ARIH1: variants seen among roughly 807,000 people sequenced by gnomAD.
The protein encoded by ARIH1 is E3 ubiquitin-protein ligase ARIH1.
Under a neutral mutation model 85.0 loss-of-function variants are expected in ARIH1, and 8 were observed. The observed-to-expected ratio is 0.09, with a 90% CI of 0.06 to 0.17. The LOEUF is 0.17. Ranked by LOEUF, ARIH1 falls within the 10% of genes least tolerant of loss-of-function variation. The pLI is 1.00. For synonymous variants in ARIH1, 238 were observed against 253.6 expected, an observed-to-expected ratio of 0.94 and a Z score of 0.59; for missense variants, 311 against 718.1, an observed-to-expected ratio of 0.43 and a Z score of 6.48.
chr15:72,593,121 T>A lies in ARIH1; in HGVS notation c.*9829T>A, dbSNP rs193008638. On this transcript the variant is annotated 3_prime_UTR_variant, in exon 14 of 14. Transcript: ENST00000379887. ...ATTAGCCATTTTAGCATATATGAAA[T>A]AACTGATTTTAATTTACATTACATT... 1 of 152,332 alleles carries A rather than the reference T, an allele frequency of 6.6e-6. No individual in the cohort carries two copies. Among genetic ancestry groups the A allele is most frequent in the African/African-American group, 2.4e-5 (1 of 41,590 alleles). The allele number at this position is 152,332 out of a possible 1,614,324, so 9.4% of individuals were successfully genotyped here.
intron 2 of ARIH1, among the ~76,000 whole-genome samples, chr15:72,530,942 A>G (rs2064053824): frequency 6.6e-6 from 1 of 152,226 alleles, no homozygotes; most frequent in African/African-American, 2.4e-5. Flanking sequence ...AGAATGTGGC[A>G]GAGGCAGTAT....
At position 72,494,031 on chromosome 15, in the gene ARIH1, A is replaced by G. The variant is rs2592057; in HGVS notation, c.375+19017A>G. Among the ~76,000 whole-genome samples, 332 of 152,260 alleles carry G rather than the reference A, an allele frequency of 2.2e-3. 1 individual carries two copies. The highest frequency in any genetic ancestry group is 7.8e-3 in the African/African-American group (326 of 41,562). On this transcript the variant is annotated intron_variant, in intron 1 of 13. Coordinates refer to ENST00000379887, the MANE Select transcript of ARIH1 (RefSeq NM_005744.5). ...ATTGATGTCTTAGTACTTTTCTCAT[A>G]AATGCAGAACCCTTCCCTAACCTGA...
chr15:72,557,308 T>C (rs1468597438), intron 5 of ARIH1, among the ~76,000 whole-genome samples: 2 of 152,066 alleles, frequency 1.3e-5, no homozygotes, highest in East Asian at 3.8e-4. Context: ...CTTTCTTTTT[T>C]TTAAGTGAAA....
intron 1 of ARIH1, 25 bp from the exon 2 acceptor site, chr15:72,518,042 G>C (rs1302215306): frequency 4.5e-6 from 7 of 1,571,930 alleles, no homozygotes; most frequent in Admixed American, 1.7e-5. Context: ...ACCTTAAAAT[G>C]ACTTTTTTTC....
intron 3 of ARIH1, among the ~76,000 whole-genome samples, chr15:72,548,629 C>G (rs1434124759): frequency 6.6e-6 from 1 of 152,162 alleles, no homozygotes; most frequent in South Asian, 2.1e-4. Flanking sequence ...CTAGGATGTC[C>G]TTTCCTCATA....
In ARIH1 at chr15:72,602,569, C is replaced by T. The variant is rs1314120568; in HGVS notation, c.*19277C>T. On this transcript the variant is annotated 3_prime_UTR_variant, in exon 14 of 14. Transcript: ENST00000379887. ...ATCTGCCTCTTCAGTGGTTTCCACA[C>T]CAAAAAATCCACAGGCTCCTGAATT... is the stretch of plus-strand genomic sequence containing the variant. 6.6e-6 allele frequency: 1 copy of T among 152,152 alleles called. No homozygotes were observed. Among genetic ancestry groups the T allele is most frequent in the Non-Finnish European group, 1.5e-5 (1 of 68,032 alleles). The allele number at this position is 152,152 out of a possible 1,614,324, so 9.4% of individuals were successfully genotyped here. A position where few individuals can be genotyped will look rare whatever the true frequency, so the allele number is the denominator to read the frequency against.
At chr15:72,522,833 A>G (rs1375176725) in intron 2 of ARIH1, among the ~76,000 whole-genome samples, 1 of 152,376 alleles carries the variant, frequency 6.6e-6, no homozygotes. Flanking sequence ...AAAATGGGCC[A>G]AAGAGCTTAA....
At chr15:72,555,477 T>G (rs1337056260) in intron 4 of ARIH1, 114 bp downstream of exon 4, 1 of 727,052 alleles carries the variant, frequency 1.4e-6, no homozygotes, top group Non-Finnish European at 2.3e-6. Flanking sequence ...TGATTCTAGA[T>G]TCAAACAACT....
In ARIH1 at chr15:72,582,011, A is replaced by G. The variant is rs2064297108; in HGVS notation, c.1477-64A>G. ...GAGAGCAGTCTGTAGTCAACAAAAC[A>G]GTGAAAATGGTTTATCTTTTAGCTT... On this transcript the variant is annotated intron_variant, in intron 12 of 13. Transcript: ENST00000379887. The surrounding 1 kb of genome is among the most constrained non-coding windows in gnomAD (Gnocchi z 4.6). 6 of 1,146,556 alleles carry G rather than the reference A, an allele frequency of 5.2e-6. No homozygotes were observed. Among genetic ancestry groups the G allele is most frequent in the Middle Eastern group, 2.0e-4 (1 of 5,008 alleles). 71.0% of individuals were successfully genotyped at this position (1,146,556 alleles called of 1,614,324 possible). A position where few individuals can be genotyped will look rare whatever the true frequency, so the allele number is the denominator to read the frequency against.
intron 3 of ARIH1, among the ~76,000 whole-genome samples, chr15:72,545,723 G>A (rs1302188348): frequency 2.0e-5 from 3 of 152,216 alleles, no homozygotes; most frequent in Admixed American, 2.0e-4. Context: ...CAGCTACTTG[G>A]GAGGCTGAGG....
chr15:72,540,713 A>C (rs537817467), intron 2 of ARIH1, among the ~76,000 whole-genome samples: 1 of 152,298 alleles, frequency 6.6e-6, no homozygotes, highest in African/African-American at 2.4e-5. Flanking sequence ...AGTCCCACCT[A>C]TACTCAAGAA....
In ARIH1 at chr15:72,509,621, C is replaced by T. The variant is rs555087299; in HGVS notation, c.376-8446C>T. Reference sequence around the variant, plus strand: ...CTCATTCATTTAAGACAGGGTCTTACTCTTTCGCCCAGGCTGGAATGCAGT... The same window carrying T: ...CTCATTCATTTAAGACAGGGTCTTATTCTTTCGCCCAGGCTGGAATGCAGT... On this transcript the variant is annotated intron_variant, in intron 1 of 13. Coordinates refer to ENST00000379887, the MANE Select transcript of ARIH1 (RefSeq NM_005744.5). Among the ~76,000 whole-genome samples, 14 of 152,240 alleles carry T rather than the reference C, an allele frequency of 9.2e-5. No individual in the cohort carries two copies. In the South Asian group the frequency reaches 2.9e-3, roughly 32 times the overall value.
chr15:72,517,276 AT>A, intron 1 of ARIH1, among the ~76,000 whole-genome samples: 1 of 152,114 alleles, frequency 6.6e-6, no homozygotes. Flanking sequence ...GTATTAAATT[AT>A]TTTTTTAAAA....
chr15:72,500,388 A>G lies in ARIH1; in HGVS notation c.376-17679A>G, dbSNP rs568865976. Among the ~76,000 whole-genome samples the G allele has an allele frequency of 4.6e-5, 7 of 151,968 alleles. No individual in the cohort carries two copies. In the East Asian group the frequency reaches 5.8e-4, roughly 13 times the overall value. ...GATTACAGGTGTGAGCCACTTTATG[A>G]CTTTATTTATTTATTTATTTTTTAA... On this transcript the variant is annotated intron_variant, in intron 1 of 13. Coordinates refer to ENST00000379887, the MANE Select transcript of ARIH1 (RefSeq NM_005744.5).
At chr15:72,496,132 G>T (rs1041674771) in intron 1 of ARIH1, among the ~76,000 whole-genome samples, 1 of 152,124 alleles carries the variant, frequency 6.6e-6, no homozygotes, top group African/African-American at 2.4e-5. Context: ...TCAAACTCCT[G>T]GCTTCAGGCA....
Position 72,585,940 on chromosome 15 carries a change from G to A in ARIH1, c.*2648G>A, listed in dbSNP as rs1305649230. ...GGATCTATTCACAGTAAGCACCAAGGTCTCCATGTCTTGAGGTCAGTTTCA... is the reference window on the plus strand; with the variant it reads ...GGATCTATTCACAGTAAGCACCAAGATCTCCATGTCTTGAGGTCAGTTTCA... On this transcript the variant is annotated 3_prime_UTR_variant, in exon 14 of 14. Coordinates refer to ENST00000379887, the MANE Select transcript of ARIH1 (RefSeq NM_005744.5). 2 of 152,148 alleles carry A rather than the reference G, an allele frequency of 1.3e-5. No homozygotes were observed. Among genetic ancestry groups the A allele is most frequent in the Non-Finnish European group, 2.9e-5 (2 of 68,034 alleles). The allele number at this position is 152,148 out of a possible 1,614,324, so 9.4% of individuals were successfully genotyped here. A position where few individuals can be genotyped will look rare whatever the true frequency, so the allele number is the denominator to read the frequency against.
At chr15:72,563,934 T>C (rs1346329976) in intron 7 of ARIH1, among the ~76,000 whole-genome samples, 1 of 152,202 alleles carries the variant, frequency 6.6e-6, no homozygotes, top group African/African-American at 2.4e-5. Context: ...CCAGCTTTCT[T>C]GGTAACTTGG....
chr15:72,577,700 C>A (rs558186616), intron 11 of ARIH1, among the ~76,000 whole-genome samples: 25 of 151,836 alleles, frequency 1.6e-4, no homozygotes, highest in Non-Finnish European at 3.4e-4. Flanking sequence ...AACAAAAAAA[C>A]GGATCATCAT....
intron 2 of ARIH1, among the ~76,000 whole-genome samples, chr15:72,541,255 C>T (rs1260839129): frequency 6.6e-6 from 1 of 152,110 alleles, no homozygotes. Flanking sequence ...AGCAGTCTAG[C>T]AGGCATGCAA....
Sources: allele counts gnomAD v4.1 joint callset (sites outside exome capture counted in the v4.1 genomes callset), GRCh38; gene constraint gnomAD v4.1.1; non-coding constraint Gnocchi (gnomAD v3.1); transcripts MANE v1.5; gene names NCBI Gene and HGNC (gene_info 2026-07-23, HGNC 2026-07-21).